Variants in ANK3 observed in about 807,000 individuals in gnomAD.
The protein encoded by ANK3 is ankyrin-3.
Under a neutral mutation model 370.9 loss-of-function variants are expected in ANK3, and 57 were observed. The ratio of observed to expected loss-of-function variants is 0.15; its 90% CI spans 0.12 to 0.19. The LOEUF is 0.19. Among genes scored for constraint, ANK3 ranks in the 10% least tolerant of loss-of-function variants. ANK3 has a pLI of 1.00. For missense variants in ANK3, 4,439 were observed against 5,302.1 expected, an observed-to-expected ratio of 0.84 and a Z score of 5.06; for synonymous variants, 1,929 against 1,946.3, an observed-to-expected ratio of 0.99 and a Z score of 0.23.
intron 1 of ANK3, among the ~76,000 whole-genome samples, chr10:60,338,162 A>G (rs1757369395): frequency 6.6e-6 from 1 of 152,202 alleles, no homozygotes; most frequent in Non-Finnish European, 1.5e-5. Context: ...GTATAGTGTG[A>G]AACAGAGTAC....
chr10:60,552,113 C>T (rs562947685), intron 2 of ANK3, among the ~76,000 whole-genome samples: 6 of 152,240 alleles, frequency 3.9e-5, no homozygotes, highest in South Asian at 4.2e-4. Context: ...TCAAGGCGGC[C>T]GCCTGGACAA....
chr10:60,681,996 G>T (rs1456334850), intron 1 of ANK3, among the ~76,000 whole-genome samples: 1 of 151,982 alleles, frequency 6.6e-6, no homozygotes, highest in East Asian at 1.9e-4. Context: ...TACAAAAAAT[G>T]AAAAATTAGC....
intron 7 of ANK3, among the ~76,000 whole-genome samples, chr10:60,244,630 A>T (rs1173029513): frequency 6.6e-6 from 1 of 152,176 alleles, no homozygotes; most frequent in Non-Finnish European, 1.5e-5. Context: ...ATGTTTTCTC[A>T]TTCTATTTTC....
intron 2 of ANK3, among the ~76,000 whole-genome samples, chr10:60,406,663 C>G (rs2063462750): frequency 6.6e-6 from 1 of 152,134 alleles, no homozygotes; most frequent in Non-Finnish European, 1.5e-5. Context: ...GCTGAGGGCT[C>G]CTGCCCTAGA....
rs192497255 is a variant in ANK3, at chr10:60,482,957, G to C, written c.96+132229C>G. Among the ~76,000 whole-genome samples the C allele has an allele frequency of 4.7e-3, 714 of 152,276 alleles. 1 individual carries two copies. The highest frequency in any genetic ancestry group is 7.9e-3 in the Non-Finnish European group (536 of 68,022). ...AGAAAAATTAAAGAACTAAGCACAG[G>C]ATTTTCTAAATGTTGAGCATCAAGG... On this transcript the variant is annotated intron_variant, in intron 2 of 43. Transcript: ENST00000373827.
intron 1 of ANK3, among the ~76,000 whole-genome samples, chr10:60,385,921 G>GT (rs1203537017): frequency 5.3e-5 from 8 of 152,092 alleles, no homozygotes; most frequent in Non-Finnish European, 1.0e-4. Context: ...CTGTTGAAAC[G>GT]TATTTTATAG....
chr10:60,632,941 A>C (rs1429267044), intron 1 of ANK3, among the ~76,000 whole-genome samples: 1 of 152,058 alleles, frequency 6.6e-6, no homozygotes, highest in Non-Finnish European at 1.5e-5. Context: ...TTGATAGCTG[A>C]CTTTATTGTA....
intron 1 of ANK3, among the ~76,000 whole-genome samples, chr10:60,730,637 T>G (rs912593679): frequency 2.2e-4 from 34 of 152,170 alleles, no homozygotes; most frequent in Non-Finnish European, 1.0e-4. Context: ...AAATTGCAAT[T>G]AAATGGCCCT....
At chr10:60,575,554 G>A (rs78328562) in intron 2 of ANK3, among the ~76,000 whole-genome samples, 1,646 of 152,146 alleles carry the variant, frequency 0.011, 34 homozygotes, top group African/African-American at 0.037. Flanking sequence ...ATCATTTAAA[G>A]TTATAATTTA....
intron 2 of ANK3, among the ~76,000 whole-genome samples, chr10:60,463,573 T>C (rs954556545): frequency 6.6e-6 from 1 of 152,106 alleles, no homozygotes; most frequent in African/African-American, 2.4e-5. Flanking sequence ...ATATTGAACA[T>C]ACATTAAAAT....
intron 2 of ANK3, among the ~76,000 whole-genome samples, chr10:60,585,090 T>C (rs1335956629): frequency 1.3e-5 from 2 of 152,224 alleles, no homozygotes; most frequent in Non-Finnish European, 2.9e-5. Flanking sequence ...GCAGCCAGCA[T>C]TACCCTAACA....
chr10:60,458,735 C>G (rs746602026), intron 2 of ANK3, among the ~76,000 whole-genome samples: 4 of 152,024 alleles, frequency 2.6e-5, no homozygotes, highest in Non-Finnish European at 4.4e-5. Context: ...GGAATAATAA[C>G]AGAAGAAAGT....
intron 2 of ANK3, among the ~76,000 whole-genome samples, chr10:60,605,963 C>T (rs2078123511): frequency 6.6e-6 from 1 of 152,124 alleles, no homozygotes. Flanking sequence ...TTGGTACTGA[C>T]AATTTCTAGA....
chr10:60,539,528 C>T (rs542388093), intron 2 of ANK3, among the ~76,000 whole-genome samples: 1 of 151,870 alleles, frequency 6.6e-6, no homozygotes, highest in Non-Finnish European at 1.5e-5. Flanking sequence ...AAGATGGTAC[C>T]TAACTTGCTC....
chr10:60,298,550 C>A, intron 1 of ANK3, among the ~76,000 whole-genome samples: 1 of 152,166 alleles, frequency 6.6e-6, no homozygotes, highest in East Asian at 1.9e-4. Context: ...CGTATCGGGT[C>A]AGTACCCTTC....
At chr10:60,679,163 C>T (rs1032834883) in intron 1 of ANK3, among the ~76,000 whole-genome samples, 1 of 152,132 alleles carries the variant, frequency 6.6e-6, no homozygotes, top group Non-Finnish European at 1.5e-5. Context: ...ACCAAAATTG[C>T]TGCATGGACA....
At chr10:60,216,732 T>C (rs2096943364) in intron 8 of ANK3, among the ~76,000 whole-genome samples, 1 of 152,216 alleles carries the variant, frequency 6.6e-6, no homozygotes, top group South Asian at 2.1e-4. Flanking sequence ...TTTTCTTTTT[T>C]TGTTGTGTCT....
chr10:60,608,478 A>C (rs1250335761), intron 2 of ANK3, among the ~76,000 whole-genome samples: 1 of 152,182 alleles, frequency 6.6e-6, no homozygotes, highest in Non-Finnish European at 1.5e-5. Context: ...TATTGTGAAG[A>C]GAGAAGCATA....
At chr10:60,350,888 G>T (rs2056725899) in intron 1 of ANK3, among the ~76,000 whole-genome samples, 1 of 151,998 alleles carries the variant, frequency 6.6e-6, no homozygotes, top group African/African-American at 2.4e-5. Flanking sequence ...ACTTCCCAGG[G>T]CCACTGACCT....
Sources: gnomAD v4.1 joint callset for allele counts (sites outside exome capture counted in the v4.1 genomes callset) on GRCh38, gnomAD v4.1.1 for gene constraint, MANE v1.5 for transcripts, NCBI Gene and HGNC (gene_info 2026-07-23, HGNC 2026-07-21) for gene names.